The following UBN2 variants were observed in gnomAD, a reference collection of about 807,000 sequenced individuals.
The protein encoded by UBN2 is ubinuclein-2.
A neutral mutation model predicts 120.2 loss-of-function variants in UBN2; 35 were observed. That is an observed-to-expected ratio of 0.29 (90% CI 0.22 to 0.39). The LOEUF (loss-of-function observed/expected upper bound fraction) is 0.39. Ranked by LOEUF, UBN2 falls within the 10% of genes least tolerant of loss-of-function variation. UBN2 has a pLI of 1.00. For synonymous variants in UBN2, 661 were observed against 648.7 expected (o/e 1.02, Z -0.29); for missense variants, 1,693 against 1,663.2 (o/e 1.02, Z -0.31).
chr7:139,240,785 C>T (rs1796300060), intron 2 of UBN2, among the ~76,000 whole-genome samples: 1 of 152,154 alleles, frequency 6.6e-6, no homozygotes, highest in Non-Finnish European at 1.5e-5. Context: ...GGTAATGTGA[C>T]AGTTCATATT....
chr7:139,294,056 A>T (rs184394052), intron 17 of UBN2, 75 bp downstream of exon 17: 1 of 1,456,784 alleles, frequency 6.9e-7, no homozygotes, highest in Non-Finnish European at 9.5e-7. Context: ...TTCTGAAAAC[A>T]ATGTGAATGG....
intron 1 of UBN2, 86 bp from the exon 2 acceptor site, chr7:139,236,915 GTTGT>G (rs1270832176): frequency 2.9e-6 from 2 of 694,452 alleles, no homozygotes; most frequent in African/African-American, 3.7e-5. Flanking sequence ...AATTGAAGTG[GTTGT>G]TACATAATGA....
intron 3 of UBN2, among the ~76,000 whole-genome samples, chr7:139,256,779 C>G (rs1188358861): frequency 6.6e-6 from 1 of 151,994 alleles, no homozygotes; most frequent in Non-Finnish European, 1.5e-5. Context: ...TGTAGTAGAT[C>G]TTTCTAGTAG....
intron 9 of UBN2, 48 bp from the exon 10 acceptor site, chr7:139,273,249 G>C: frequency 1.6e-6 from 2 of 1,238,774 alleles, no homozygotes; most frequent in Non-Finnish European, 2.3e-6. Context: ...TATTATATAG[G>C]CAGTGTTGGG....
chr7:139,267,698 G>C (rs1224310024), intron 7 of UBN2, among the ~76,000 whole-genome samples: 1 of 152,156 alleles, frequency 6.6e-6, no homozygotes, highest in African/African-American at 2.4e-5. Flanking sequence ...GATAATGTTT[G>C]TAATTTATTA....
chr7:139,261,445 A>T lies in UBN2; in HGVS notation c.1099A>T (p.Asn367Tyr), dbSNP rs1257542655. Residue 367 changes from asparagine to tyrosine, a missense_variant, in exon 6 of 18, where the codon AAT (asparagine) becomes TAT (tyrosine). Physicochemically the swap from Asn to Tyr is moderately radical, Grantham distance 143. Around this residue, in one of 5 missense-constraint regions of UBN2, gnomAD observed 663 missense variants for 591.2 expected, o/e 1.12. Coordinates refer to ENST00000473989, the MANE Select transcript of UBN2 (RefSeq NM_173569.4). ...CCCATGTGCTGCTGCAGCACTGGGG[A>T]ATGACGTCCCGGACTTAAATCTGAG... is the stretch of plus-strand genomic sequence containing the variant. ...KPPCAAAALG[N>Y]DVPDLNLSSG... The T allele has an allele frequency of 6.2e-7, 1 of 1,614,198 alleles. No homozygotes were observed.
intron 10 of UBN2, among the ~76,000 whole-genome samples, 193 bp downstream of exon 10, chr7:139,273,603 T>C (rs756294461): frequency 2.0e-5 from 3 of 152,228 alleles, no homozygotes; most frequent in Admixed American, 6.5e-5. Context: ...TCATATACAC[T>C]GTAATACTTT....
the UBN2 span, among the ~76,000 whole-genome samples, chr7:139,328,996 A>G: frequency 1.3e-5 from 2 of 152,140 alleles, no homozygotes; most frequent in East Asian, 3.9e-4. Context: ...CTGTAATCCC[A>G]GCATTTTGGG....
At chr7:139,267,831 G>C (rs1057465587) in intron 7 of UBN2, among the ~76,000 whole-genome samples, 1 of 152,188 alleles carries the variant, frequency 6.6e-6, no homozygotes, top group Non-Finnish European at 1.5e-5. Flanking sequence ...GGAATTTTCA[G>C]ATGGAGTCTT....
the UBN2 span, among the ~76,000 whole-genome samples, chr7:139,329,071 T>C: frequency 2.7e-5 from 4 of 150,858 alleles, no homozygotes; most frequent in African/African-American, 9.8e-5. Flanking sequence ...CATAGCAAGA[T>C]CCAATCTCTA....
At chr7:139,240,937 G>T (rs573463112) in intron 2 of UBN2, among the ~76,000 whole-genome samples, 2 of 152,278 alleles carry the variant, frequency 1.3e-5, no homozygotes, top group South Asian at 4.1e-4. Context: ...TTCTACAACC[G>T]TATAGGCTCC....
At chr7:139,297,671 C>A (rs548101946) in intron 17 of UBN2, 116 bp from the exon 18 acceptor site, 37 of 900,056 alleles carry the variant, frequency 4.1e-5, no homozygotes, top group Non-Finnish European at 6.0e-5. Context: ...AAAGTGATAT[C>A]TTTTCAGAGA....
Position 139,284,574 on chromosome 7 carries a change from G to GGTAT in UBN2, c.3669+7_3669+10dup, listed in dbSNP as rs772627671. On this transcript the variant is annotated frameshift_variant and splice_region_variant. Transcript: ENST00000473989. LOFTEE classifies it high-confidence loss of function. The stretch of plus-strand genomic sequence containing the variant: ...CTTCAGTGGTAACAGCCAGTGTGCA[G>GGTAT]GTATGTATGTTCTGTACGTCCATGT... 3.1e-5 allele frequency: 49 copies of GGTAT among 1,604,926 alleles called. No individual in the cohort carries two copies. In the African/African-American group the frequency reaches 4.7e-4, roughly 15 times the overall value.
the UBN2 span, among the ~76,000 whole-genome samples, chr7:139,323,330 T>C: frequency 2.6e-5 from 4 of 152,144 alleles, no homozygotes; most frequent in East Asian, 7.7e-4. Context: ...AATGTCAAAA[T>C]TAAACACCTA....
chr7:139,231,433 C>T lies in UBN2; in HGVS notation c.-52C>T. 1.6e-6 allele frequency: 2 copies of T among 1,267,970 alleles called. No individual in the cohort carries two copies. The highest frequency in any genetic ancestry group is 2.4e-5 in the South Asian group (1 of 41,342). 78.5% of individuals were successfully genotyped at this position (1,267,970 alleles called of 1,614,324 possible). A position where few individuals can be genotyped will look rare whatever the true frequency, so the allele number is the denominator to read the frequency against. On this transcript the variant is annotated 5_prime_UTR_variant, in exon 1 of 18. Coordinates refer to ENST00000473989, the MANE Select transcript of UBN2 (RefSeq NM_173569.4). ...GAAGGGCGGGCAGGCACGCAGCGCG[C>T]CGTAGAAGCGAGCGCCGGCTCGAGC...
At chr7:139,269,158 G>A (rs192190967) in intron 7 of UBN2, among the ~76,000 whole-genome samples, 3 of 152,210 alleles carry the variant, frequency 2.0e-5, no homozygotes, top group Non-Finnish European at 2.9e-5. Context: ...CCAGTAAGCC[G>A]AGACTGCACC....
Position 139,231,617 on chromosome 7 carries a change from G to C in UBN2, c.133G>C (p.Glu45Gln). 2 of 1,332,806 alleles carry C rather than the reference G, an allele frequency of 1.5e-6. No homozygotes were observed. Among genetic ancestry groups the C allele is most frequent in the Non-Finnish European group, 1.9e-6 (2 of 1,035,130 alleles). 82.6% of individuals were successfully genotyped at this position (1,332,806 alleles called of 1,614,324 possible). A position where few individuals can be genotyped will look rare whatever the true frequency, so the allele number is the denominator to read the frequency against. The change falls in exon 1 of 18, where the codon GAG becomes CAG. Residue 45 changes from glutamate to glutamine, a missense_variant. By Grantham distance (29) the Glu-to-Gln change is conservative. Transcript: ENST00000473989. ...CCGGCTGGAGCCGCAGCCGTACCGC[G>C]AGCCGGCCCGGGCGGAGCCGCCGGC... ...PPRLEPQPYREPARAEPPAPR... is the reference protein window; with the variant it reads ...PPRLEPQPYRQPARAEPPAPR...
At chr7:139,279,631 G>A (rs938873008) in intron 13 of UBN2, among the ~76,000 whole-genome samples, 1 of 152,182 alleles carries the variant, frequency 6.6e-6, no homozygotes, top group Non-Finnish European at 1.5e-5. Flanking sequence ...TCATAGCATA[G>A]GTGAGATTGA....
intron 7 of UBN2, among the ~76,000 whole-genome samples, chr7:139,267,236 A>G (rs1304051763): frequency 1.3e-5 from 2 of 152,204 alleles, no homozygotes; most frequent in Non-Finnish European, 2.9e-5. Flanking sequence ...CATGTATTAT[A>G]GAAAGACACG....
Sources: gnomAD v4.1 joint callset for allele counts (sites outside exome capture counted in the v4.1 genomes callset) on GRCh38, gnomAD v4.1.1 for gene constraint, gnomAD v4.1.1 regional missense constraint, MANE v1.5 for transcripts, NCBI Gene and HGNC (gene_info 2026-07-23, HGNC 2026-07-21) for gene names.